Variants in SLC23A1 observed in about 807,000 individuals in gnomAD.
The protein encoded by SLC23A1 is solute carrier family 23 member 1.
Under a neutral mutation model 62.5 loss-of-function variants are expected in SLC23A1, and 31 were observed. The ratio of observed to expected loss-of-function variants is 0.50; its 90% confidence interval spans 0.37 to 0.67. The LOEUF is 0.67. Among genes scored for constraint, SLC23A1 ranks in the 30% least tolerant of loss-of-function variants. The pLI, the probability that SLC23A1 is intolerant of heterozygous loss-of-function variation, is 0.00. For missense variants in SLC23A1, 640 were observed against 782.7 expected, an observed-to-expected ratio of 0.82 and a Z score of 2.18; for synonymous variants, 271 against 313.2, an observed-to-expected ratio of 0.87 and a Z score of 1.42.
chr5:139,374,389 A>G (rs1021992063), intron 13 of SLC23A1, among the ~76,000 whole-genome samples: 1 of 152,218 alleles, frequency 6.6e-6, no homozygotes, highest in African/African-American at 2.4e-5. Flanking sequence ...CACAGCCAAG[A>G]TTGCGCCACT....
rs114930583 is a variant in SLC23A1 at position 139,376,607 on chromosome 5, A to G, written c.1549+795T>C. 9.7e-3 allele frequency among the ~76,000 whole-genome samples: 1,476 copies of G among 152,316 alleles called. 15 individuals are homozygous for G. The highest frequency in any genetic ancestry group is 0.017 in the Non-Finnish European group (1,157 of 68,032). On this transcript the variant is annotated intron_variant, in intron 13 of 14. Transcript: ENST00000348729. ...GAGCACCTGGTGACATTTATTTTAT[A>G]TATTTACTGGCATCTTTATGCGGGC...
At chr5:139,384,824 C>A, upstream of SLC23A1, 2 of 842,546 alleles carry the variant, frequency 2.4e-6, no homozygotes, top group Non-Finnish European at 2.9e-6. Flanking sequence ...CGGCTCCACA[C>A]CCTGTCCTGA....
At chr5:139,374,755 G>A (rs1757862341) in intron 13 of SLC23A1, among the ~76,000 whole-genome samples, 1 of 152,194 alleles carries the variant, frequency 6.6e-6, no homozygotes, top group East Asian at 1.9e-4. Flanking sequence ...TGCAGCTGTT[G>A]TTAAGGATGA....
chr5:139,385,006 C>A (rs368187954), upstream of SLC23A1, among the ~76,000 whole-genome samples: 156 of 152,240 alleles, frequency 1.0e-3, 7 homozygotes, highest in South Asian at 0.032. Context: ...GCCCCAGGCA[C>A]CTCCATTCCC....
intron 14 of SLC23A1, chr5:139,368,945 G>A (rs1333839227): frequency 1.7e-6 from 1 of 582,614 alleles, no homozygotes; most frequent in Non-Finnish European, 3.1e-6. Flanking sequence ...CTTAATAAAA[G>A]TGCTGAGACT....
chr5:139,383,825 A>C (rs532228715), upstream of SLC23A1, among the ~76,000 whole-genome samples: 1 of 152,370 alleles, frequency 6.6e-6, no homozygotes, highest in African/African-American at 2.4e-5. Flanking sequence ...CAAGCCATGC[A>C]GATAGCAAGT....
In SLC23A1 at chr5:139,379,259, C is replaced by G. The variant is rs141189553; in HGVS notation, c.1021G>C (p.Ala341Pro). 6.2e-7 allele frequency: 1 copy of G among 1,614,152 alleles called. No individual in the cohort carries two copies. Among genetic ancestry groups the G allele is most frequent in the Non-Finnish European group, 8.5e-7 (1 of 1,180,008 alleles). ...GGTGCACCAGCCAGGCGGGCACAGGCGTAGTAATCTCCGATGGACTCAATG... is the reference window on the plus strand; with the variant it reads ...GGTGCACCAGCCAGGCGGGCACAGGGGTAGTAATCTCCGATGGACTCAATG... ...GIIESIGDYY[A>P]CARLAGAPPP... Residue 341 changes from alanine (A) to proline (P), a missense_variant, in exon 9 of 15, where the codon GCC becomes CCC. Coordinates refer to ENST00000348729, the MANE Select transcript of SLC23A1 (RefSeq NM_005847.5). The surrounding 1 kb of genome is among the most constrained non-coding windows in gnomAD (Gnocchi z 4.7).
At position 139,379,918 on chromosome 5, in the gene SLC23A1, G is replaced by C; in HGVS notation, c.768+38C>G. 1.9e-6 allele frequency: 3 copies of C among 1,614,042 alleles called. No individual in the cohort carries two copies. Among genetic ancestry groups the C allele is most frequent in the Non-Finnish European group, 2.5e-6 (3 of 1,179,924 alleles). ...TGCTCCCACCTCAGCCCAAGCCCTG[G>C]CCATAGTCCCAGCCCCAGCCGCCTG... On this transcript the variant is annotated intron_variant, in intron 7 of 14. Transcript: ENST00000348729. This position sits in a 1 kb window ranked among gnomAD's most constrained non-coding sequence, Gnocchi z 4.7.
intron 13 of SLC23A1, among the ~76,000 whole-genome samples, chr5:139,372,902 A>C (rs1245355698): frequency 6.6e-6 from 1 of 152,114 alleles, no homozygotes; most frequent in Non-Finnish European, 1.5e-5. Context: ...TTTTAAGATG[A>C]AGAAAGGGAC....
intron 14 of SLC23A1, chr5:139,368,786 C>A: frequency 6.2e-7 from 1 of 1,611,864 alleles, no homozygotes; most frequent in Non-Finnish European, 8.5e-7. Flanking sequence ...GGGTGAAGTA[C>A]GGAAATATTT....
intron 14 of SLC23A1, among the ~76,000 whole-genome samples, chr5:139,370,039 G>C (rs1206402409): frequency 6.6e-6 from 1 of 152,160 alleles, no homozygotes; most frequent in East Asian, 1.9e-4. Flanking sequence ...TTCTTCACAA[G>C]GGCTTTTTTT....
intron 13 of SLC23A1, 23 bp downstream of exon 13, chr5:139,377,379 C>A (rs367976439): frequency 7.4e-7 from 1 of 1,350,298 alleles, no homozygotes; most frequent in Non-Finnish European, 1.1e-6. Context: ...GTTCTTCATT[C>A]CCCTCCCAGG....
In SLC23A1 at chr5:139,378,641, A is replaced by G. The variant is rs1181493345; in HGVS notation, c.1117T>C (p.Leu373=). ...GAGGTGGACCCGTTGCCCGTGCCCA[A>G]TAGCCCCGCGATGATGCAGCAAATG... ...EGICCIIAGL[L]GTGNGSTSSS... Residue 373 remains leucine (L), a synonymous_variant, in exon 10 of 15, where the codon TTG becomes CTG. Coordinates refer to ENST00000348729, the MANE Select transcript of SLC23A1 (RefSeq NM_005847.5). This position sits in a 1 kb window ranked among gnomAD's most constrained non-coding sequence, Gnocchi z 4.5. 5 of 1,612,522 alleles carry G rather than the reference A, an allele frequency of 3.1e-6. No individual in the cohort carries two copies. The highest frequency in any genetic ancestry group is 1.3e-5 in the African/African-American group (1 of 75,008).
chr5:139,382,018 G>A lies in SLC23A1; in HGVS notation c.182C>T (p.Ala61Val), dbSNP rs371042206. 2.5e-6 allele frequency: 4 copies of A among 1,609,196 alleles called. No individual in the cohort carries two copies. In the East Asian group the frequency reaches 6.7e-5, roughly 27 times the overall value. ...HYLTCFSGTI[A>V]VPFLLAEALC... ...CGCCTCAGCCAGCAGGAAGGGCACG[G>A]CGATGGTACCACTGAAGCATGTCAG... is the stretch of plus-strand genomic sequence containing the variant. The change falls in exon 3 of 15, where the codon GCC (alanine) becomes GTC (valine). Residue 61 changes from alanine to valine, a missense_variant. By Grantham distance (64) the Ala-to-Val change is moderately conservative. Transcript: ENST00000348729.
At chr5:139,375,183 A>G (rs1757887795) in intron 13 of SLC23A1, among the ~76,000 whole-genome samples, 1 of 152,196 alleles carries the variant, frequency 6.6e-6, no homozygotes, top group East Asian at 1.9e-4. Context: ...GTAAGTGACA[A>G]AATGGAGGCC....
intron 14 of SLC23A1, among the ~76,000 whole-genome samples, chr5:139,370,510 T>G (rs1352298883): frequency 1.1e-5 from 1 of 91,068 alleles, no homozygotes; most frequent in African/African-American, 3.3e-5. Flanking sequence ...TTATTTATTT[T>G]CAAGACAGAG....
chr5:139,373,057 T>A (rs776284008), intron 13 of SLC23A1, among the ~76,000 whole-genome samples: 1 of 152,346 alleles, frequency 6.6e-6, no homozygotes, highest in South Asian at 2.1e-4. Flanking sequence ...ATATTTCATA[T>A]TATGATTCCA....
chr5:139,369,297 A>G (rs1243937250), intron 14 of SLC23A1: 2 of 153,114 alleles, frequency 1.3e-5, no homozygotes, highest in African/African-American at 4.8e-5. Context: ...TGAGGCTACA[A>G]GTTAGTCAGC....
chr5:139,384,288 G>C, upstream of SLC23A1: 1 of 1,131,366 alleles, frequency 8.8e-7, no homozygotes, highest in Non-Finnish European at 1.1e-6. Context: ...GCTGGTGAGG[G>C]CTGGGCCTGA....
Sources: gnomAD v4.1 joint callset for allele counts (sites outside exome capture counted in the v4.1 genomes callset) on GRCh38, gnomAD v4.1.1 for gene constraint, Gnocchi (gnomAD v3.1) non-coding constraint, MANE v1.5 for transcripts, NCBI Gene and HGNC (gene_info 2026-07-23, HGNC 2026-07-21) for gene names.